The following KCTD10 variants were observed in gnomAD, a reference collection of about 807,000 sequenced individuals.
The protein encoded by KCTD10 is BTB/POZ domain-containing adapter for CUL3-mediated RhoA degradation protein 3.
In KCTD10, 13 loss-of-function variants were observed where a neutral mutation model predicts 34.6. That is an observed-to-expected ratio of 0.38 (90% CI 0.24 to 0.60). KCTD10 has a LOEUF of 0.60. Among genes scored for constraint, KCTD10 ranks in the 20% least tolerant of loss-of-function variants. KCTD10 has a pLI of 0.66. For missense variants in KCTD10, 256 were observed against 420.3 expected (o/e 0.61, Z 3.42); for synonymous variants, 156 against 168.8 (o/e 0.92, Z 0.59).
rs564701603 is a variant in KCTD10 at position 109,456,021 on chromosome 12, A to T, written c.723+97T>A. On this transcript the variant is annotated intron_variant, in intron 6 of 6. Transcript: ENST00000228495. Reference sequence around the variant, plus strand: ...AATCACAAGGCAAGCAAAGCATTTTAAAAGCATTTCCCTCTGTATTGGGCT... The same window carrying T: ...AATCACAAGGCAAGCAAAGCATTTTTAAAGCATTTCCCTCTGTATTGGGCT... 232 of 1,176,002 alleles carry T rather than the reference A, an allele frequency of 2.0e-4. No homozygotes were observed. In the East Asian group the frequency reaches 5.2e-3, roughly 26 times the overall value. 72.8% of individuals were successfully genotyped at this position (1,176,002 alleles called of 1,614,324 possible).
chr12:109,459,810 TCA>T (rs1468848794), intron 3 of KCTD10, among the ~76,000 whole-genome samples: 1 of 152,218 alleles, frequency 6.6e-6, no homozygotes, highest in Non-Finnish European at 1.5e-5. Flanking sequence ...CTGAAAGAAT[TCA>T]CAGAGGTTAC....
rs1558804 is a variant in KCTD10 at position 109,460,927 on chromosome 12, A to G, written c.218-122T>C. ...AGCGGAGAGCGGGACTGCCTGGAGA[A>G]TGGCAGCCTCACCTGCCTACCTGCC... On this transcript the variant is annotated intron_variant, in intron 2 of 6. Transcript: ENST00000228495. This position sits in a 1 kb window ranked among gnomAD's most constrained non-coding sequence, Gnocchi z 4.5. 449,273 of 982,282 alleles carry G rather than the reference A, an allele frequency of 0.46. 106,541 individuals are homozygous for G. Among genetic ancestry groups the G allele is most frequent in the African/African-American group, 0.72 (43,881 of 61,052 alleles). 60.8% of individuals were successfully genotyped at this position (982,282 alleles called of 1,614,324 possible).
At chr12:109,471,404 G>A in intron 1 of KCTD10, 1 of 985,424 alleles carries the variant, frequency 1.0e-6, no homozygotes, top group Non-Finnish European at 1.2e-6. Context: ...AGAAAGAACG[G>A]CCTCCTGGAA....
At chr12:109,462,364 G>C (rs1873376571) in intron 2 of KCTD10, among the ~76,000 whole-genome samples, 2 of 152,196 alleles carry the variant, frequency 1.3e-5, no homozygotes. Flanking sequence ...CCAATTTCCT[G>C]AGTAGGTGGG....
At chr12:109,457,901 A>G (rs1873108764) in intron 4 of KCTD10, 91 bp downstream of exon 4, 2 of 1,188,148 alleles carry the variant, frequency 1.7e-6, no homozygotes, top group Non-Finnish European at 2.5e-6. Flanking sequence ...CACTCAGGCA[A>G]TTATACATGT....
chr12:109,450,667 A>G lies in KCTD10; in HGVS notation c.*928T>C, dbSNP rs77531759. 8,392 of 286,320 alleles carry G rather than the reference A, an allele frequency of 0.029. 156 individuals carry two copies. Among genetic ancestry groups the G allele is most frequent in the Middle Eastern group, 0.043 (44 of 1,024 alleles). The allele number at this position is 286,320 out of a possible 1,614,324, so 17.7% of individuals were successfully genotyped here. On this transcript the variant is annotated 3_prime_UTR_variant, in exon 7 of 7. Transcript: ENST00000228495. ...TGACTTAGAAAGTTAGCCCAGCTTC[A>G]TGGGGAAGGAGGCTGAAGAGGAGCG...
chr12:109,473,289 C>T (rs765646949), intron 1 of KCTD10, among the ~76,000 whole-genome samples: 2 of 152,078 alleles, frequency 1.3e-5, no homozygotes, highest in African/African-American at 2.4e-5. Context: ...AAAATAGTCG[C>T]GAGGTAAAGT....
chr12:109,475,535 CAATT>C (rs77622943), intron 1 of KCTD10, among the ~76,000 whole-genome samples: 12,947 of 152,064 alleles, frequency 0.085, 1,274 homozygotes, highest in African/African-American at 0.24. Flanking sequence ...CACCCCAGAT[CAATT>C]AATCAGTATC....
rs1412882190 is a variant in KCTD10, at chr12:109,450,596, G to T, written c.*999C>A. Reference sequence around the variant, plus strand: ...GAGGGTGTCCCTGCCTGGATGCCAGGCTGGGAGGACAAAGGGTATGGGCCA... The same window carrying T: ...GAGGGTGTCCCTGCCTGGATGCCAGTCTGGGAGGACAAAGGGTATGGGCCA... On this transcript the variant is annotated 3_prime_UTR_variant, in exon 7 of 7. Coordinates refer to ENST00000228495, the MANE Select transcript of KCTD10 (RefSeq NM_031954.5). 2 of 388,166 alleles carry T rather than the reference G, an allele frequency of 5.2e-6. No homozygotes were observed. Among genetic ancestry groups the T allele is most frequent in the Non-Finnish European group, 9.1e-6 (2 of 219,956 alleles). The allele number at this position is 388,166 out of a possible 1,614,324, so 24.0% of individuals were successfully genotyped here. A position where few individuals can be genotyped will look rare whatever the true frequency, so the allele number is the denominator to read the frequency against.
At chr12:109,470,033 C>G (rs1252060079) in intron 1 of KCTD10, 1 of 1,197,214 alleles carries the variant, frequency 8.4e-7, no homozygotes, top group Non-Finnish European at 1.0e-6. Context: ...AAGCCTCATA[C>G]ACTGACCCTG....
chr12:109,452,108 T>C (rs1872803730), intron 6 of KCTD10, among the ~76,000 whole-genome samples: 2 of 152,232 alleles, frequency 1.3e-5, no homozygotes, highest in African/African-American at 4.8e-5. Flanking sequence ...TAAATATGTG[T>C]AATACACATA....
intron 1 of KCTD10, chr12:109,471,196 T>TA (rs766607101): frequency 1.1e-4 from 113 of 985,306 alleles, no homozygotes; most frequent in Non-Finnish European, 1.3e-4. Context: ...CTATAACTGG[T>TA]AAAACACAAA....
chr12:109,464,573 G>A (rs1432584641), intron 2 of KCTD10, among the ~76,000 whole-genome samples: 3 of 152,170 alleles, frequency 2.0e-5, no homozygotes, highest in Admixed American at 2.0e-4. Context: ...AAGTCAGACT[G>A]GGAGAAGATA....
chr12:109,476,778 C>A (rs1007075114), intron 1 of KCTD10, among the ~76,000 whole-genome samples: 1 of 152,156 alleles, frequency 6.6e-6, no homozygotes, highest in Non-Finnish European at 1.5e-5. Context: ...CGACTCCAGC[C>A]ACAACCTCCA....
In KCTD10 at chr12:109,460,104, C is replaced by T. The variant is rs1013292414; in HGVS notation, c.387+532G>A. Among the ~76,000 whole-genome samples, 7 of 152,182 alleles carry T rather than the reference C, an allele frequency of 4.6e-5. No homozygotes were observed. Among genetic ancestry groups the T allele is most frequent in the African/African-American group, 1.2e-4 (5 of 41,444 alleles). On this transcript the variant is annotated intron_variant, in intron 3 of 6. Coordinates refer to ENST00000228495, the MANE Select transcript of KCTD10 (RefSeq NM_031954.5). This position sits in a 1 kb window ranked among gnomAD's most constrained non-coding sequence, Gnocchi z 4.5. ...CTCATGCACACAGACCAGATTCCTA[C>T]GAAAACCCAAAGGGATGCTTCTGAT... is the stretch of plus-strand genomic sequence containing the variant.
chr12:109,464,535 C>T (rs2058339036), intron 2 of KCTD10, among the ~76,000 whole-genome samples: 1 of 152,104 alleles, frequency 6.6e-6, no homozygotes, highest in African/African-American at 2.4e-5. Context: ...TCTGAGGTTT[C>T]CAAAAGCCCC....
intron 5 of KCTD10, 101 bp from the exon 6 acceptor site, chr12:109,456,414 A>G (rs1350927413): frequency 4.2e-6 from 4 of 945,212 alleles, no homozygotes; most frequent in Non-Finnish European, 5.1e-6. Flanking sequence ...CACTTTCTCC[A>G]CTACCTCATT....
At position 109,451,516 on chromosome 12, in the gene KCTD10, G is replaced by A. The variant is rs948126112; in HGVS notation, c.*79C>T. On this transcript the variant is annotated 3_prime_UTR_variant, in exon 7 of 7. Transcript: ENST00000228495. This position sits in a 1 kb window ranked among gnomAD's most constrained non-coding sequence, Gnocchi z 5.0. ...GCTCCAAGGGAAGCAGAAGGGGCCCGGCAGCCTGCACAGGATCTGGGTGTA... is the reference window on the plus strand; with the variant it reads ...GCTCCAAGGGAAGCAGAAGGGGCCCAGCAGCCTGCACAGGATCTGGGTGTA... 5.6e-5 allele frequency: 77 copies of A among 1,371,594 alleles called. No individual in the cohort carries two copies. The highest frequency in any genetic ancestry group is 4.0e-4 in the Admixed American group (19 of 47,142). 85.0% of individuals were successfully genotyped at this position (1,371,594 alleles called of 1,614,324 possible).
In KCTD10 at chr12:109,451,648, C is replaced by T. The variant is rs369957720; in HGVS notation, c.889G>A (p.Val297Met). ...EDEERERIER[V>M]RRIHIKRPDD... ...GGGCGCTTGATGTGGATCCTCCGCA[C>T]GCGCTCGATCCGCTCCCGCTCCTCG... Residue 297 changes from valine (V) to methionine (M), a missense_variant, in exon 7 of 7, where the codon GTG (valine) becomes ATG (methionine). By Grantham distance (21) the Val-to-Met change is conservative. This residue lies in a region of KCTD10 where 60 missense variants were observed against 89.0 expected (regional missense o/e 0.67). Transcript: ENST00000228495. This position sits in a 1 kb window ranked among gnomAD's most constrained non-coding sequence, Gnocchi z 5.0. 2.7e-5 allele frequency: 44 copies of T among 1,612,712 alleles called. No individual in the cohort carries two copies. Among genetic ancestry groups the T allele is most frequent in the Non-Finnish European group, 3.6e-5 (42 of 1,179,752 alleles).
Sources: allele counts gnomAD v4.1 joint callset (sites outside exome capture counted in the v4.1 genomes callset), GRCh38; gene constraint gnomAD v4.1.1; regional missense constraint gnomAD v4.1.1; non-coding constraint Gnocchi (gnomAD v3.1); transcripts MANE v1.5; gene names NCBI Gene and HGNC (gene_info 2026-07-23, HGNC 2026-07-21).